Variants in KIF26B observed in about 807,000 individuals in gnomAD.
KIF26B encodes kinesin-like protein KIF26B.
Under a neutral mutation model 151.2 loss-of-function variants are expected in KIF26B, and 63 were observed. The observed-to-expected ratio is 0.42, with a 90% confidence interval of 0.34 to 0.51. The LOEUF is 0.51. Among genes scored for constraint, KIF26B ranks in the 20% least tolerant of loss-of-function variants. KIF26B has a pLI of 0.07. For missense variants in KIF26B, 2,813 were observed against 2,913.6 expected (o/e 0.97, Z 0.79); for synonymous variants, 1,357 against 1,262.1 (o/e 1.08, Z -1.59).
chr1:245,521,930 T>C (rs12737325), intron 4 of KIF26B, among the ~76,000 whole-genome samples: 32,272 of 148,490 alleles, frequency 0.22, 4,349 homozygotes, highest in Middle Eastern at 0.34. Flanking sequence ...AGTGCAGTGG[T>C]GCGATCTCGG....
intron 3 of KIF26B, among the ~76,000 whole-genome samples, chr1:245,412,207 G>C (rs565482794): frequency 1.3e-5 from 2 of 152,278 alleles, no homozygotes; most frequent in South Asian, 2.1e-4. Context: ...AGCACTCACT[G>C]TTTACAAAAC....
At position 245,609,492 on chromosome 1, in the gene KIF26B, C is replaced by A. The variant is rs752517687; in HGVS notation, c.1878C>A (p.Gly626=). Residue 626 remains glycine, a synonymous_variant, in exon 8 of 15, where the codon GGC becomes GGA. Transcript: ENST00000407071. ...TGSLQDGQSP[G]VYLCEDPICG... is the part of the protein sequence containing the mutation. ...GCCTGCAGGACGGCCAGTCCCCGGG[C>A]GTGTACCTCTGTGAGGACCCCATCT... is the stretch of plus-strand genomic sequence containing the variant. The A allele has an allele frequency of 1.9e-6, 3 of 1,592,064 alleles. No homozygotes were observed. The highest frequency in any genetic ancestry group is 3.5e-5 in the Admixed American group (2 of 57,650).
rs764754050 is a variant in KIF26B, at chr1:245,686,291, C to T, written c.3308C>T (p.Pro1103Leu). 2.5e-6 allele frequency: 4 copies of T among 1,613,102 alleles called. No homozygotes were observed. Among genetic ancestry groups the T allele is most frequent in the Non-Finnish European group, 3.4e-6 (4 of 1,179,884 alleles). Residue 1103 changes from proline (P) to leucine (L), a missense_variant, in exon 12 of 15, where the codon CCA (proline) becomes CTA (leucine). Pro to Leu is a moderately conservative substitution (Grantham distance 98). Around this residue, in one of 3 missense-constraint regions of KIF26B, gnomAD observed 2,060 missense variants for 2,088.6 expected, o/e 0.99. Transcript: ENST00000407071. This position sits in a 1 kb window ranked among gnomAD's most constrained non-coding sequence, Gnocchi z 5.6. ...AAGGGGGTCCTGCCGTCTCCCGCCC[C>T]ACTGCCTCCCTCGAGCAAGGATTCC... ...TQKGVLPSPAPLPPSSKDSGV... is the reference protein window; with the variant it reads ...TQKGVLPSPALLPPSSKDSGV...
intron 2 of KIF26B, among the ~76,000 whole-genome samples, chr1:245,200,497 C>T (rs1669278498): frequency 2.0e-5 from 3 of 152,212 alleles, no homozygotes; most frequent in Admixed American, 2.0e-4. Context: ...GAGAATGTGT[C>T]AATATCTTTG....
chr1:245,355,326 T>C (rs1329887336), intron 2 of KIF26B, among the ~76,000 whole-genome samples: 1 of 152,106 alleles, frequency 6.6e-6, no homozygotes, highest in African/African-American at 2.4e-5. Context: ...TCAGTAGCCC[T>C]CTCCCAGTTA....
Position 245,638,818 on chromosome 1 carries a change from C to A in KIF26B, c.2099-7303C>A, listed in dbSNP as rs116456808. Among the ~76,000 whole-genome samples, 563 of 151,980 alleles carry A rather than the reference C, an allele frequency of 3.7e-3. 4 individuals carry two copies. Among genetic ancestry groups the A allele is most frequent in the African/African-American group, 0.013 (522 of 41,556 alleles). On this transcript the variant is annotated intron_variant, in intron 9 of 14. Coordinates refer to ENST00000407071, the MANE Select transcript of KIF26B (RefSeq NM_018012.4). ...ACTTACATATGTTGAACTATCCTTG[C>A]ATCACTGGGATGAATCCTACTTGAT...
chr1:245,162,815 CCTAT>C (rs751227461), intron 2 of KIF26B, among the ~76,000 whole-genome samples: 4 of 152,166 alleles, frequency 2.6e-5, no homozygotes, highest in African/African-American at 7.2e-5. Context: ...TGCTCCAGAG[CCTAT>C]CTGAGAAAAT....
intron 2 of KIF26B, among the ~76,000 whole-genome samples, chr1:245,174,771 G>A (rs1044321050): frequency 2.6e-5 from 4 of 152,224 alleles, no homozygotes; most frequent in African/African-American, 7.2e-5. Context: ...CAGAGCTGAC[G>A]TCTTCTGCCT....
intron 4 of KIF26B, among the ~76,000 whole-genome samples, chr1:245,480,743 A>G (rs1286554711): frequency 6.7e-6 from 1 of 149,960 alleles, no homozygotes; most frequent in African/African-American, 2.5e-5. Flanking sequence ...ATGTGTTCCA[A>G]GTGCTAAGTA....
intron 4 of KIF26B, among the ~76,000 whole-genome samples, chr1:245,452,595 A>T (rs1358417662): frequency 6.6e-6 from 1 of 151,972 alleles, no homozygotes; most frequent in African/African-American, 2.4e-5. Flanking sequence ...TCTCGACAGT[A>T]TTTATTTTCC....
chr1:245,361,842 C>T (rs1250360261), intron 2 of KIF26B, among the ~76,000 whole-genome samples: 2 of 152,140 alleles, frequency 1.3e-5, no homozygotes, highest in Non-Finnish European at 1.5e-5. Flanking sequence ...TCCTCTTTGC[C>T]AATCAGAGTG....
At position 245,684,338 on chromosome 1, in the gene KIF26B, C is replaced by A; in HGVS notation, c.2364C>A (p.Thr788=). ...ISAAVGSYAE[T]LSTIQIASRV... ...CCGCGGTCGGGAGCTACGCGGAGACCCTGTCCACCATCCAGATTGCATCGA... is the reference window on the plus strand; with the variant it reads ...CCGCGGTCGGGAGCTACGCGGAGACACTGTCCACCATCCAGATTGCATCGA... Residue 788 remains threonine (T), a synonymous_variant, in exon 11 of 15, where the codon ACC becomes ACA. Coordinates refer to ENST00000407071, the MANE Select transcript of KIF26B (RefSeq NM_018012.4). 1 of 1,613,838 alleles carries A rather than the reference C, an allele frequency of 6.2e-7. No homozygotes were observed. Among genetic ancestry groups the A allele is most frequent in the Non-Finnish European group, 8.5e-7 (1 of 1,179,860 alleles).
chr1:245,202,621 G>A (rs1242342888), intron 2 of KIF26B, among the ~76,000 whole-genome samples: 4 of 152,060 alleles, frequency 2.6e-5, no homozygotes, highest in Admixed American at 2.0e-4. Context: ...TTAGCCGGAC[G>A]TGGTGGCGGG....
chr1:245,267,634 GCACACA>G (rs66498609), intron 2 of KIF26B, among the ~76,000 whole-genome samples: 9,490 of 136,098 alleles, frequency 0.07, 444 homozygotes, highest in East Asian at 0.21. Context: ...GCTAAGTAAT[GCACACA>G]CACACACACA....
intron 3 of KIF26B, among the ~76,000 whole-genome samples, chr1:245,380,456 G>T (rs1673379663): frequency 6.6e-6 from 1 of 152,200 alleles, no homozygotes; most frequent in South Asian, 2.1e-4. Context: ...CCATTAGGCT[G>T]CAAGGCGCTG....
At chr1:245,452,473 G>A (rs933386494) in intron 4 of KIF26B, among the ~76,000 whole-genome samples, 7 of 152,094 alleles carry the variant, frequency 4.6e-5, no homozygotes, top group East Asian at 3.9e-4. Flanking sequence ...TGGAATTGCC[G>A]AGTCATACAA....
intron 10 of KIF26B, among the ~76,000 whole-genome samples, chr1:245,681,213 CTT>C (rs71674433): frequency 0.17 from 24,428 of 141,126 alleles, 2,241 homozygotes; most frequent in Non-Finnish European, 0.22. Flanking sequence ...GTTTTCTTTT[CTT>C]TTTTTTTTTT....
chr1:245,529,008 C>T (rs1162877977), intron 4 of KIF26B, among the ~76,000 whole-genome samples: 1 of 152,162 alleles, frequency 6.6e-6, no homozygotes, highest in African/African-American at 2.4e-5. Flanking sequence ...TTGTCAAGTT[C>T]TGGACAAAAT....
intron 2 of KIF26B, among the ~76,000 whole-genome samples, chr1:245,222,086 C>T (rs1009950336): frequency 2.6e-5 from 4 of 152,168 alleles, no homozygotes; most frequent in Non-Finnish European, 4.4e-5. Context: ...GGAAAAGGCA[C>T]GTTGTCATGG....
Sources: allele counts gnomAD v4.1 joint callset (sites outside exome capture counted in the v4.1 genomes callset), GRCh38; gene constraint gnomAD v4.1.1; regional missense constraint gnomAD v4.1.1; non-coding constraint Gnocchi (gnomAD v3.1); transcripts MANE v1.5; gene names NCBI Gene and HGNC (gene_info 2026-07-23, HGNC 2026-07-21).